Variants in OR8H1 observed in about 807,000 individuals in gnomAD.
OR8H1 encodes olfactory receptor 8H1.
For synonymous variants in OR8H1, 135 were observed against 134.5 expected (o/e 1.00, Z -0.03); for missense variants, 388 against 374.1 (o/e 1.04, Z -0.31).
rs755184075 is a variant in OR8H1 at position 56,290,528 on chromosome 11, C to G, written c.535G>C (p.Asp179His). ...DSNVVRHFFC[D>H]TSPILALSCM... ...GACAGAGCTAAAATTGGAGACGTGT[C>G]GCAGAAAAAGTGACGAACTACATTT... Residue 179 changes from aspartate to histidine, a missense_variant, in exon 2 of 2, where the codon GAC becomes CAC. Asp to His is a moderately conservative substitution (Grantham distance 81, BLOSUM62 -1). Coordinates refer to ENST00000641600, the MANE Select transcript of OR8H1 (RefSeq NM_001005199.2). The G allele has an allele frequency of 2.1e-5, 34 of 1,613,988 alleles. No homozygotes were observed. The highest frequency in any genetic ancestry group is 2.7e-5 in the Non-Finnish European group (32 of 1,180,028).
chr11:56,290,271 A>T lies in OR8H1; in HGVS notation c.792T>A (p.Ser264=), dbSNP rs1565100103. 1 of 1,613,246 alleles carries T rather than the reference A, an allele frequency of 6.2e-7. No individual in the cohort carries two copies. Among genetic ancestry groups the T allele is most frequent in the Admixed American group, 1.7e-5 (1 of 59,808 alleles). ...CCACTTGATCCCTTCCCAAAGAATA[A>T]GACTTTCTTGGTTTTAAATAAGTAA... ...MIFTYLKPRK[S]YSLGRDQVAS... is the part of the protein sequence containing the mutation. Residue 264 remains serine, a synonymous_variant, in exon 2 of 2, where the codon TCT becomes TCA. Coordinates refer to ENST00000641600, the MANE Select transcript of OR8H1 (RefSeq NM_001005199.2).
In OR8H1 at chr11:56,290,352, C is replaced by T; in HGVS notation, c.711G>A (p.Leu237=). The T allele has an allele frequency of 1.9e-6, 3 of 1,614,102 alleles. No individual in the cohort carries two copies. The highest frequency in any genetic ancestry group is 2.5e-6 in the Non-Finnish European group (3 of 1,179,980). ...CCAAGAGATGAGAGGCACAAGTAGA[C>T]AAAGCTTTCTGCTTTCCTGAAGTGG... The part of the protein sequence containing the change: ...INSTSGKQKA[L]STCASHLLGV... The change falls in exon 2 of 2, where the codon TTG becomes TTA. Residue 237 remains leucine, a synonymous_variant. Transcript: ENST00000641600.
Position 56,290,537 on chromosome 11 carries a change from AG to A in OR8H1, c.525del (p.Phe177SerfsTer8). 6.2e-7 allele frequency: 1 copy of A among 1,614,228 alleles called. No homozygotes were observed. Among genetic ancestry groups the A allele is most frequent in the Non-Finnish European group, 8.5e-7 (1 of 1,180,046 alleles). On this transcript the variant is annotated frameshift_variant, in exon 2 of 2. Coordinates refer to ENST00000641600, the MANE Select transcript of OR8H1 (RefSeq NM_001005199.2). LOFTEE classifies it low-confidence loss of function (END_TRUNC). ...LHFCDSNVVRHFFCDTSPILA... is the reference protein window; with the variant it reads ...LHFCDSNVVRXFFCDTSPILA... ...AAAATTGGAGACGTGTCGCAGAAAA[AG>A]TGACGAACTACATTTGAGTCGCAGA... is the stretch of plus-strand genomic sequence containing the variant.
In OR8H1 at chr11:56,290,181, T is replaced by A. The variant is rs1355291313; in HGVS notation, c.882A>T (p.Lys294Asn). ...CTCTAATGAGAGCATTTTTAACTTC[T>A]TTGTTTCTAAGACTATAAATGAGTG... ...LNPLIYSLRN[K>N]EVKNALIRVM... The change falls in exon 2 of 2, where the codon AAA becomes AAT. Residue 294 changes from lysine (K) to asparagine (N), a missense_variant. Physicochemically the swap from Lys to Asn is moderately conservative, Grantham distance 94. Transcript: ENST00000641600. 1.9e-6 allele frequency: 3 copies of A among 1,609,446 alleles called. No homozygotes were observed. The African/African-American group carries it at 4.0e-5, about 22-fold the overall frequency.
rs191708560 is a variant in OR8H1, at chr11:56,291,951, C to A, written c.-23G>T. 2 of 151,978 alleles carry A rather than the reference C, an allele frequency of 1.3e-5. No individual in the cohort carries two copies. Among genetic ancestry groups the A allele is most frequent in the African/African-American group, 2.4e-5 (1 of 41,388 alleles). 9.4% of individuals were successfully genotyped at this position (151,978 alleles called of 1,614,324 possible). ...TTCCAATTTTGAGAATAATACTTACCGTGTCTGAGCCAAAGTTGGTGAAAA... is the reference window on the plus strand; with the variant it reads ...TTCCAATTTTGAGAATAATACTTACAGTGTCTGAGCCAAAGTTGGTGAAAA... On this transcript the variant is annotated splice_region_variant and 5_prime_UTR_variant, in exon 1 of 2. Transcript: ENST00000641600.
In OR8H1 at chr11:56,290,566, T is replaced by C. The variant is rs369123275; in HGVS notation, c.497A>G (p.His166Arg). 77 of 1,614,062 alleles carry C rather than the reference T, an allele frequency of 4.8e-5. No homozygotes were observed. Among genetic ancestry groups the C allele is most frequent in the Non-Finnish European group, 6.4e-5 (75 of 1,180,036 alleles). ...ACGAACTACATTTGAGTCGCAGAAA[T>C]GCAGTCTGCTCATCCAAACCACATT... is the stretch of plus-strand genomic sequence containing the variant. ...FVNVVWMSRL[H>R]FCDSNVVRHF... The change falls in exon 2 of 2, where the codon CAT (histidine) becomes CGT (arginine). Residue 166 changes from histidine to arginine, a missense_variant. His to Arg is a conservative substitution (Grantham distance 29, BLOSUM62 0). Transcript: ENST00000641600.
intron 1 of OR8H1, among the ~76,000 whole-genome samples, chr11:56,291,717 A>G (rs1359921581): frequency 1.3e-5 from 2 of 152,124 alleles, no homozygotes; most frequent in African/African-American, 4.8e-5. Flanking sequence ...TTATACAAAT[A>G]TGATGTTTTA....
rs1172630522 is a variant in OR8H1 at position 56,288,804 on chromosome 11, C to T, written c.*1323G>A. Reference sequence around the variant, plus strand: ...TGCACATATTCAAAACTATTGATCTCGAAGAACATGCACAAAACTCGATAT... The same window carrying T: ...TGCACATATTCAAAACTATTGATCTTGAAGAACATGCACAAAACTCGATAT... On this transcript the variant is annotated 3_prime_UTR_variant, in exon 2 of 2. Coordinates refer to ENST00000641600, the MANE Select transcript of OR8H1 (RefSeq NM_001005199.2). 2 of 151,824 alleles carry T rather than the reference C, an allele frequency of 1.3e-5. No individual in the cohort carries two copies. The highest frequency in any genetic ancestry group is 2.1e-4 in the South Asian group (1 of 4,816). 9.4% of individuals were successfully genotyped at this position (151,824 alleles called of 1,614,324 possible).
Position 56,290,692 on chromosome 11 carries a change from G to T in OR8H1, c.371C>A (p.Ala124Asp), listed in dbSNP as rs1381104418. The change falls in exon 2 of 2, where the codon GCT becomes GAT. Residue 124 changes from alanine to aspartate, a missense_variant. Transcript: ENST00000641600. ...TGGGTAACGTAGAGGACTGCAGATA[G>T]CTACGTAGCGATCATAGGCCATTGA... ...LSSMAYDRYV[A>D]ICSPLRYPVI... The T allele has an allele frequency of 1.9e-6, 3 of 1,613,902 alleles. No individual in the cohort carries two copies. Among genetic ancestry groups the T allele is most frequent in the Non-Finnish European group, 2.5e-6 (3 of 1,179,984 alleles).
intron 1 of OR8H1, among the ~76,000 whole-genome samples, chr11:56,291,575 G>A (rs768124642): frequency 2.0e-5 from 3 of 151,980 alleles, no homozygotes; most frequent in Admixed American, 6.6e-5. Context: ...AACAATGAGA[G>A]GAAACAGTTT....
In OR8H1 at chr11:56,290,954, T is replaced by A; in HGVS notation, c.109A>T (p.Ile37Phe). 6.2e-7 allele frequency: 1 copy of A among 1,614,138 alleles called. No homozygotes were observed. ...LFILFLLIYL[I>F]TMLGNVGMIL... ...ATCCCCACATTGCCCAGCATAGTAA[T>A]TAGGTATATCAGGAGAAATAGTATA... Residue 37 changes from isoleucine to phenylalanine, a missense_variant, in exon 2 of 2, where the codon ATT becomes TTT. Physicochemically the swap from Ile to Phe is conservative, Grantham distance 21 (BLOSUM62 0). Coordinates refer to ENST00000641600, the MANE Select transcript of OR8H1 (RefSeq NM_001005199.2).
At chr11:56,291,873 A>G (rs1378386031) in intron 1 of OR8H1, 78 bp downstream of exon 1, 2 of 152,270 alleles carry the variant, frequency 1.3e-5, no homozygotes, top group East Asian at 1.9e-4. Context: ...GATGACATGT[A>G]TATGTATATT....
rs1854116277 is a variant in OR8H1, at chr11:56,289,855, T to C, written c.*272A>G. On this transcript the variant is annotated 3_prime_UTR_variant, in exon 2 of 2. Coordinates refer to ENST00000641600, the MANE Select transcript of OR8H1 (RefSeq NM_001005199.2). ...GGCTGGTCTTGAACTTCTGACCTCA[T>C]GTGATCCACCCACCTCGGCCTCCCA... The C allele has an allele frequency of 2.2e-6, 1 of 454,832 alleles. No individual in the cohort carries two copies. The highest frequency in any genetic ancestry group is 4.0e-6 in the Non-Finnish European group (1 of 249,946). The allele number at this position is 454,832 out of a possible 1,614,324, so 28.2% of individuals were successfully genotyped here. A position where few individuals can be genotyped will look rare whatever the true frequency, so the allele number is the denominator to read the frequency against.
chr11:56,291,143 A>G lies in OR8H1; in HGVS notation c.-22-59T>C, dbSNP rs558644633. 223 of 945,136 alleles carry G rather than the reference A, an allele frequency of 2.4e-4. 1 individual carries two copies. In the African/African-American group the frequency reaches 3.2e-3, roughly 14 times the overall value. The allele number at this position is 945,136 out of a possible 1,614,324, so 58.5% of individuals were successfully genotyped here. A position where few individuals can be genotyped will look rare whatever the true frequency, so the allele number is the denominator to read the frequency against. On this transcript the variant is annotated intron_variant, in intron 1 of 1. Coordinates refer to ENST00000641600, the MANE Select transcript of OR8H1 (RefSeq NM_001005199.2). ...ACTTCAAAAGGTTTCTGATTATACA[A>G]TAACCTAGCATTTAATTCATTTAGT...
chr11:56,289,532 TTTC>T lies in OR8H1; in HGVS notation c.*592_*594del, dbSNP rs1484240174. ...ATATAATTTTAAAGGACAACCATAT[TTTC>T]TTATTTTCCACATCAGTTGCTTCTA... is the stretch of plus-strand genomic sequence containing the variant. On this transcript the variant is annotated 3_prime_UTR_variant, in exon 2 of 2. Coordinates refer to ENST00000641600, the MANE Select transcript of OR8H1 (RefSeq NM_001005199.2). The T allele has an allele frequency of 6.6e-6, 1 of 152,594 alleles. No individual in the cohort carries two copies. The highest frequency in any genetic ancestry group is 1.9e-4 in the East Asian group (1 of 5,208). 9.5% of individuals were successfully genotyped at this position (152,594 alleles called of 1,614,324 possible).
Position 56,289,510 on chromosome 11 carries a change from TA to T in OR8H1, c.*616del, listed in dbSNP as rs1854110430. On this transcript the variant is annotated 3_prime_UTR_variant, in exon 2 of 2. Transcript: ENST00000641600. ...AGTATGCATAGGAATTTGTGTAATA[TA>T]ATTTTAAAGGACAACCATATTTTCT... 6.5e-6 allele frequency: 1 copy of T among 152,818 alleles called. No homozygotes were observed. Among genetic ancestry groups the T allele is most frequent in the African/African-American group, 2.4e-5 (1 of 41,470 alleles). The allele number at this position is 152,818 out of a possible 1,614,324, so 9.5% of individuals were successfully genotyped here. A position where few individuals can be genotyped will look rare whatever the true frequency, so the allele number is the denominator to read the frequency against.
chr11:56,290,415 G>C lies in OR8H1; in HGVS notation c.648C>G (p.Ser216=), dbSNP rs377006747. Reference sequence around the variant, plus strand: ...GGATGGTAGAGAGAATGGACACATAGGATGCAGATATTGTGATAAGGGACA... The same window carrying C: ...GGATGGTAGAGAGAATGGACACATACGATGCAGATATTGTGATAAGGGACA... The part of the protein sequence containing the change: ...LMVSLITISA[S]YVSILSTILK... Residue 216 remains serine, a synonymous_variant, in exon 2 of 2, where the codon TCC becomes TCG. Coordinates refer to ENST00000641600, the MANE Select transcript of OR8H1 (RefSeq NM_001005199.2). 1.9e-6 allele frequency: 3 copies of C among 1,614,226 alleles called. No individual in the cohort carries two copies. The highest frequency in any genetic ancestry group is 1.6e-4 in the Middle Eastern group (1 of 6,062).
In OR8H1 at chr11:56,291,039, A is replaced by G. The variant is rs1778506370; in HGVS notation, c.24T>C (p.Asn8=). 1.9e-6 allele frequency: 3 copies of G among 1,596,814 alleles called. No individual in the cohort carries two copies. Among genetic ancestry groups the G allele is most frequent in the Admixed American group, 1.8e-5 (1 of 56,776 alleles). MGRRNNT[N]VPDFILTGLS... ...GTCCCGTAAGGATGAAGTCAGGCAC[A>G]TTTGTGTTATTTCTTCTACCCATGA... is the stretch of plus-strand genomic sequence containing the variant. The change falls in exon 2 of 2, where the codon AAT becomes AAC. Residue 8 remains asparagine (N), a synonymous_variant. Transcript: ENST00000641600.
At chr11:56,291,394 G>A (rs948786827) in intron 1 of OR8H1, among the ~76,000 whole-genome samples, 1 of 151,916 alleles carries the variant, frequency 6.6e-6, no homozygotes, top group African/African-American at 2.4e-5. Context: ...ACATATTTTA[G>A]CCGAGAAAAA....
Sources: gnomAD v4.1 joint callset for allele counts (sites outside exome capture counted in the v4.1 genomes callset) on GRCh38, gnomAD v4.1.1 for gene constraint, MANE v1.5 for transcripts, NCBI Gene and HGNC (gene_info 2026-07-23, HGNC 2026-07-21) for gene names.